Variants in PRR33 observed in about 807,000 individuals in gnomAD.
PRR33 encodes the protein proline-rich protein 33.
PRR33 carries 1 observed loss-of-function variant against 0.5 expected under a neutral mutation model. The ratio of observed to expected loss-of-function variants is 2.18; its 90% confidence interval spans 0.77 to 10.34. The LOEUF is 10.34. PRR33 is among the 30% of genes most tolerant of loss of function. PRR33 has a pLI of 0.13. For synonymous variants in PRR33, 226 were observed against 110.0 expected, an observed-to-expected ratio of 2.06 and a Z score of -6.60; for missense variants, 552 against 251.8, an observed-to-expected ratio of 2.19 and a Z score of -8.07.
chr11:1,908,035 A>AC, the PRR33 span: 1 of 152,086 alleles, frequency 6.6e-6, no homozygotes, highest in African/African-American at 2.4e-5. Context: ...TAGCTGTGTG[A>AC]CCTTCAGGAT....
In PRR33 at chr11:1,889,135, T is replaced by A. The variant is rs1415523527; in HGVS notation, c.*10A>T. Reference sequence around the variant, plus strand: ...CATGGTCCTGGGCTCTGGGGGCCATTCTGGCCACTTCACTGGAGCCTCCAG... The same window carrying A: ...CATGGTCCTGGGCTCTGGGGGCCATACTGGCCACTTCACTGGAGCCTCCAG... On this transcript the variant is annotated 3_prime_UTR_variant, in exon 1 of 1. Transcript: ENST00000640310. The A allele has an allele frequency of 2.3e-5, 15 of 639,892 alleles. No homozygotes were observed. In the South Asian group the frequency reaches 2.7e-4, roughly 11 times the overall value. 39.6% of individuals were successfully genotyped at this position (639,892 alleles called of 1,614,324 possible). A position where few individuals can be genotyped will look rare whatever the true frequency, so the allele number is the denominator to read the frequency against.
chr11:1,916,699 G>A, the PRR33 span, among the ~76,000 whole-genome samples: 3 of 152,284 alleles, frequency 2.0e-5, no homozygotes, highest in East Asian at 3.9e-4. Context: ...CCCCTTGTCA[G>A]ATCATCTGCA....
At chr11:1,909,281 A>C in the PRR33 span, among the ~76,000 whole-genome samples, 1 of 151,800 alleles carries the variant, frequency 6.6e-6, no homozygotes, top group Non-Finnish European at 1.5e-5. Flanking sequence ...CAGGAGTTTG[A>C]GACTAGCCTG....
chr11:1,898,382 C>G, the PRR33 span, among the ~76,000 whole-genome samples: 1 of 152,082 alleles, frequency 6.6e-6, no homozygotes, highest in Non-Finnish European at 1.5e-5. Context: ...ATTACAGGCG[C>G]CCGCCATCAT....
chr11:1,904,063 A>C, the PRR33 span, among the ~76,000 whole-genome samples: 1 of 152,222 alleles, frequency 6.6e-6, no homozygotes, highest in Non-Finnish European at 1.5e-5. Context: ...CAGATGGCTC[A>C]AAACACACAT....
At chr11:1,896,947 A>G in the PRR33 span, among the ~76,000 whole-genome samples, 26 of 152,366 alleles carry the variant, frequency 1.7e-4, no homozygotes, top group Admixed American at 6.5e-4. Context: ...ACCACTCGCT[A>G]ATGGGGCAGC....
At chr11:1,908,646 T>C in the PRR33 span, among the ~76,000 whole-genome samples, 2 of 152,182 alleles carry the variant, frequency 1.3e-5, no homozygotes, top group Admixed American at 1.3e-4. Context: ...AAAATATGTA[T>C]TTTGCATCTG....
At chr11:1,911,628 C>A in the PRR33 span, among the ~76,000 whole-genome samples, 1 of 151,704 alleles carries the variant, frequency 6.6e-6, no homozygotes, top group Non-Finnish European at 1.5e-5. Flanking sequence ...ACCCTGTTGG[C>A]CAGGCTGGTC....
the PRR33 span, among the ~76,000 whole-genome samples, chr11:1,912,871 G>A: frequency 6.6e-6 from 1 of 152,212 alleles, no homozygotes; most frequent in South Asian, 2.1e-4. Flanking sequence ...CCTTCCCAAA[G>A]TGCTGGGATT....
At chr11:1,906,454 C>A in the PRR33 span, among the ~76,000 whole-genome samples, 4 of 152,102 alleles carry the variant, frequency 2.6e-5, no homozygotes, top group East Asian at 7.7e-4. Context: ...GCTTCTTTGT[C>A]TTTTTGATAA....
the PRR33 span, among the ~76,000 whole-genome samples, chr11:1,914,060 C>T: frequency 3.3e-5 from 5 of 152,256 alleles, no homozygotes; most frequent in African/African-American, 9.6e-5. Context: ...ATCCAACCAA[C>T]AGATTTCACC....
the PRR33 span, among the ~76,000 whole-genome samples, chr11:1,915,395 G>T: frequency 6.6e-6 from 1 of 150,792 alleles, no homozygotes; most frequent in Non-Finnish European, 1.5e-5. Flanking sequence ...TTCTGTGTGT[G>T]TGTGTCTGTG....
chr11:1,890,283 G>T (rs1417626881), exon 1 of PRR33: 2 of 712,436 alleles, frequency 2.8e-6, no homozygotes, highest in Non-Finnish European at 5.2e-6. Flanking sequence ...AGCCTCGGCG[G>T]GGCGTGGGGC....
the PRR33 span, among the ~76,000 whole-genome samples, chr11:1,910,988 T>G: frequency 6.6e-6 from 1 of 152,244 alleles, no homozygotes; most frequent in Admixed American, 6.5e-5. Context: ...TGATATGTGT[T>G]ACAAACATCT....
chr11:1,893,923 G>C (rs990654047), upstream of PRR33, among the ~76,000 whole-genome samples: 1 of 151,810 alleles, frequency 6.6e-6, no homozygotes, highest in Non-Finnish European at 1.5e-5. Flanking sequence ...ATGGATGAGT[G>C]GATGGGTAGA....
exon 1 of PRR33, chr11:1,889,743 G>A (rs1439682518): frequency 6.1e-6 from 4 of 657,140 alleles, no homozygotes; most frequent in Admixed American, 2.5e-5. Context: ...CAGGCTGTGC[G>A]GTGAGGACTC....
chr11:1,892,912 G>C (rs932044869), upstream of PRR33, among the ~76,000 whole-genome samples: 4 of 151,848 alleles, frequency 2.6e-5, no homozygotes, highest in Middle Eastern at 3.4e-3. Context: ...GGATGAGCGA[G>C]TGGAGGGATG....
At chr11:1,888,324 C>T (rs1848841622) in exon 1 of PRR33, among the ~76,000 whole-genome samples, 3 of 152,222 alleles carry the variant, frequency 2.0e-5, no homozygotes, top group Admixed American at 2.0e-4. Flanking sequence ...GCCACAGCCC[C>T]TTCTCTGTCC....
chr11:1,906,157 T>C, the PRR33 span, among the ~76,000 whole-genome samples: 1 of 152,108 alleles, frequency 6.6e-6, no homozygotes, highest in African/African-American at 2.4e-5. Flanking sequence ...GTTTAGCCCA[T>C]TGATATTTAA....
Sources: gnomAD v4.1 joint callset for allele counts (sites outside exome capture counted in the v4.1 genomes callset) on GRCh38, gnomAD v4.1.1 for gene constraint, MANE v1.5 for transcripts, NCBI Gene and HGNC (gene_info 2026-07-23, HGNC 2026-07-21) for gene names.